The following PCDHA2 variants were observed in gnomAD, a reference collection of about 807,000 sequenced individuals.
PCDHA2 encodes protocadherin alpha-2.
In PCDHA2, 58 loss-of-function variants were observed where a neutral mutation model predicts 66.0. That is an observed-to-expected ratio of 0.88 (90% CI 0.71 to 1.09). PCDHA2 has a LOEUF of 1.09. Among genes scored for constraint, PCDHA2 ranks in the 50% least tolerant of loss-of-function variants. The pLI is 0.00. For synonymous variants in PCDHA2, 634 were observed against 554.0 expected, an observed-to-expected ratio of 1.14 and a Z score of -2.03; for missense variants, 1,267 against 1,242.3, an observed-to-expected ratio of 1.02 and a Z score of -0.30.
intron 1 of PCDHA2, chr5:140,843,598 C>T: frequency 6.3e-7 from 1 of 1,595,942 alleles, no homozygotes. Flanking sequence ...AGAGGGTGTG[C>T]TCTGGTGAGG....
At chr5:140,953,565 C>A (rs1433649283) in intron 1 of PCDHA2, among the ~76,000 whole-genome samples, 2 of 151,370 alleles carry the variant, frequency 1.3e-5, no homozygotes, top group African/African-American at 2.5e-5. Context: ...AGTTTTAGTG[C>A]CCTCCTCTCC....
At chr5:140,862,563 C>G in intron 1 of PCDHA2, 1 of 476,978 alleles carries the variant, frequency 2.1e-6, no homozygotes, top group East Asian at 5.5e-5. Context: ...CAGTGAACCA[C>G]AATGCCCTGG....
chr5:140,843,146 T>C (rs2150353849), intron 1 of PCDHA2: 3 of 1,596,012 alleles, frequency 1.9e-6, no homozygotes, highest in Admixed American at 3.4e-5. Context: ...GTGGCTTTCG[T>C]ATGAGCTGCA....
chr5:140,856,155 A>G (rs533990024), intron 1 of PCDHA2: 1 of 1,598,294 alleles, frequency 6.3e-7, no homozygotes, highest in African/African-American at 1.3e-5. Context: ...TCAGTCTACG[A>G]GGAGGCCAGA....
At chr5:140,856,346 GAGTGC>G in intron 1 of PCDHA2, 1 of 1,598,632 alleles carries the variant, frequency 6.3e-7, no homozygotes, top group South Asian at 1.1e-5. Context: ...GCGGAGCGTG[GAGTGC>G]AGCATCCACC....
At chr5:140,973,328 C>T (rs1315251124) in intron 1 of PCDHA2, among the ~76,000 whole-genome samples, 1 of 152,114 alleles carries the variant, frequency 6.6e-6, no homozygotes, top group Non-Finnish European at 1.5e-5. Flanking sequence ...AGTTTACACT[C>T]GTTGTAAAGT....
intron 1 of PCDHA2, among the ~76,000 whole-genome samples, chr5:140,940,131 G>A (rs1443086111): frequency 7.2e-5 from 11 of 152,092 alleles, no homozygotes; most frequent in African/African-American, 2.4e-4. Context: ...ATTTCTGCTA[G>A]TGATAAACTA....
rs1554151138 is a variant in PCDHA2, at chr5:140,858,086, C to A, written c.2388+60734C>A. The A allele has an allele frequency of 2.5e-6, 4 of 1,597,802 alleles. 1 individual carries two copies. Among genetic ancestry groups the A allele is most frequent in the Non-Finnish European group, 2.6e-6 (3 of 1,167,670 alleles). On this transcript the variant is annotated intron_variant, in intron 1 of 3. Transcript: ENST00000526136. The stretch of plus-strand genomic sequence containing the variant: ...CAGCCAGGCACCCAAGGCCTCGTCG[C>A]GGGCTTCAGTGGGCGTGGCGCCCGA...
chr5:140,988,675 A>C (rs574653772), intron 3 of PCDHA2, among the ~76,000 whole-genome samples: 1 of 152,228 alleles, frequency 6.6e-6, no homozygotes, highest in East Asian at 1.9e-4. Context: ...ACTCTAAGAT[A>C]ATTCTTTCCC....
chr5:140,927,128 A>T (rs2083872958), intron 1 of PCDHA2: 2 of 1,613,878 alleles, frequency 1.2e-6, no homozygotes, highest in Non-Finnish European at 1.7e-6. Context: ...GTGGTCAGAG[A>T]GCCGGCGGAC....
chr5:140,927,422 T>G, intron 1 of PCDHA2: 1 of 1,614,028 alleles, frequency 6.2e-7, no homozygotes. Context: ...GGATCGCGGG[T>G]TGACGGCAGC....
chr5:140,975,811 A>G (rs2096684538), intron 1 of PCDHA2, among the ~76,000 whole-genome samples: 3 of 134,728 alleles, frequency 2.2e-5, no homozygotes, highest in Non-Finnish European at 5.2e-5. Context: ...TATAATTTTA[A>G]TAGGAACTGA....
chr5:140,875,450 C>A, intron 1 of PCDHA2: 1 of 1,590,616 alleles, frequency 6.3e-7, no homozygotes, highest in Non-Finnish European at 8.6e-7. Context: ...ATTGTCCCAA[C>A]TCAGAGGCCC....
chr5:140,884,105 C>T, intron 1 of PCDHA2: 2 of 1,613,466 alleles, frequency 1.2e-6, no homozygotes, highest in South Asian at 2.2e-5. Flanking sequence ...TGAATTGCAG[C>T]TGGCGGCGGT....
intron 1 of PCDHA2, among the ~76,000 whole-genome samples, chr5:140,953,914 T>A (rs1554221128): frequency 6.6e-6 from 1 of 152,134 alleles, no homozygotes; most frequent in South Asian, 2.1e-4. Context: ...ATCCATTAGG[T>A]ATTCTTCCTG....
chr5:140,918,175 CT>C (rs1429626043), intron 1 of PCDHA2, among the ~76,000 whole-genome samples: 2 of 152,076 alleles, frequency 1.3e-5, no homozygotes, highest in Non-Finnish European at 2.9e-5. Context: ...GCATTGTGTT[CT>C]TGATTTGGCC....
Position 140,857,175 on chromosome 5 carries a change from A to C in PCDHA2, c.2388+59823A>C, listed in dbSNP as rs149086377. On this transcript the variant is annotated intron_variant, in intron 1 of 3. Transcript: ENST00000526136. ...ATTGCCCTAATCAGCGTTTCTGACC[A>C]TGATTCAGGAGCCAACGGACAGGTC... The C allele has an allele frequency of 2.5e-6, 4 of 1,598,338 alleles. No homozygotes were observed. The South Asian group carries it at 3.3e-5, about 13-fold the overall frequency.
intron 1 of PCDHA2, among the ~76,000 whole-genome samples, chr5:140,900,537 A>G (rs2068113323): frequency 6.6e-6 from 1 of 152,204 alleles, no homozygotes; most frequent in African/African-American, 2.4e-5. Context: ...TCGGCTTTCC[A>G]AAGTGCTGGG....
intron 1 of PCDHA2, chr5:140,804,921 T>A (rs947575210): frequency 1.0e-6 from 1 of 982,704 alleles, no homozygotes; most frequent in Non-Finnish European, 1.4e-6. Context: ...ATTTCCTTTT[T>A]TGGCACTATC....
Sources: allele counts gnomAD v4.1 joint callset (sites outside exome capture counted in the v4.1 genomes callset), GRCh38; gene constraint gnomAD v4.1.1; transcripts MANE v1.5; gene names NCBI Gene and HGNC (gene_info 2026-07-23, HGNC 2026-07-21).